Variants in SLC24A4 observed in about 807,000 individuals in gnomAD.
SLC24A4 encodes the protein sodium/potassium/calcium exchanger 4.
SLC24A4 carries 53 observed loss-of-function variants against 79.0 expected under a neutral mutation model. The ratio of observed to expected loss-of-function variants is 0.67; its 90% CI spans 0.54 to 0.84. The LOEUF (loss-of-function observed/expected upper bound fraction) is 0.84. Among genes scored for constraint, SLC24A4 ranks in the 40% least tolerant of loss-of-function variants. The pLI is 0.00. For synonymous variants in SLC24A4, 323 were observed against 323.8 expected, an observed-to-expected ratio of 1.00 and a Z score of 0.03; for missense variants, 731 against 822.0, an observed-to-expected ratio of 0.89 and a Z score of 1.35.
intron 2 of SLC24A4, among the ~76,000 whole-genome samples, chr14:92,393,566 TA>T (rs1566736212): frequency 1.4e-5 from 2 of 146,298 alleles, no homozygotes; most frequent in African/African-American, 5.2e-5. Flanking sequence ...TTTTTTTTTT[TA>T]CGGAGTCTCG....
intron 2 of SLC24A4, among the ~76,000 whole-genome samples, chr14:92,429,251 A>G (rs1392808243): frequency 6.6e-6 from 1 of 151,950 alleles, no homozygotes; most frequent in African/African-American, 2.4e-5. Flanking sequence ...AGCACAAGGG[A>G]ATTTTAGGGG....
chr14:92,491,142 C>G (rs1453472839), intron 14 of SLC24A4, among the ~76,000 whole-genome samples: 3 of 152,202 alleles, frequency 2.0e-5, no homozygotes, highest in Non-Finnish European at 4.4e-5. Context: ...AAAGCAGGAT[C>G]ATCGAGTTGA....
At chr14:92,460,647 G>T (rs1893746216) in intron 12 of SLC24A4, among the ~76,000 whole-genome samples, 1 of 152,210 alleles carries the variant, frequency 6.6e-6, no homozygotes, top group Non-Finnish European at 1.5e-5. Context: ...GGGCTTTGTG[G>T]ATCAGGTAGG....
chr14:92,465,105 T>C (rs1426165193), intron 12 of SLC24A4, among the ~76,000 whole-genome samples: 4 of 152,254 alleles, frequency 2.6e-5, no homozygotes, highest in African/African-American at 7.2e-5. Flanking sequence ...TGTTGGTGTC[T>C]CTCTGATGCA....
rs1893684182 is a variant in SLC24A4 at position 92,459,662 on chromosome 14, G to GA, written c.1255+3057dup. The stretch of plus-strand genomic sequence containing the variant: ...GATGTGTTTCCAGGTGTTGTCCCTG[G>GA]AAACCACGAATGGCTTCCTTTTCTT... On this transcript the variant is annotated intron_variant, in intron 12 of 16. Transcript: ENST00000532405. 2.0e-5 allele frequency among the ~76,000 whole-genome samples: 3 copies of GA among 152,256 alleles called. 1 individual carries two copies. In the South Asian group the frequency reaches 6.2e-4, roughly 32 times the overall value.
intron 16 of SLC24A4, 59 bp downstream of exon 16, chr14:92,492,299 G>A (rs192947870): frequency 7.3e-6 from 11 of 1,515,226 alleles, no homozygotes; most frequent in South Asian, 2.3e-5. Context: ...ATCTGATTCC[G>A]CCTCGTCACT....
intron 2 of SLC24A4, among the ~76,000 whole-genome samples, chr14:92,389,716 G>A (rs1309741002): frequency 6.6e-6 from 1 of 152,196 alleles, no homozygotes; most frequent in African/African-American, 2.4e-5. Flanking sequence ...CCTGTGCTAA[G>A]CCAGTGCACT....
At chr14:92,366,842 G>A (rs536315569) in intron 2 of SLC24A4, among the ~76,000 whole-genome samples, 98 of 152,326 alleles carry the variant, frequency 6.4e-4, no homozygotes, top group Non-Finnish European at 1.1e-3. Flanking sequence ...AGGCGGGGAA[G>A]GGGTGATTAC....
At chr14:92,489,870 C>T (rs1371002385) in intron 14 of SLC24A4, among the ~76,000 whole-genome samples, 2 of 152,214 alleles carry the variant, frequency 1.3e-5, no homozygotes, top group African/African-American at 4.8e-5. Context: ...CCTGCCTCTT[C>T]ACCAGGTGCA....
At chr14:92,421,062 A>G (rs2141819105) in intron 2 of SLC24A4, among the ~76,000 whole-genome samples, 3 of 152,220 alleles carry the variant, frequency 2.0e-5, no homozygotes, top group African/African-American at 7.2e-5. Context: ...CCTCATCCCA[A>G]AATTTCCTCC....
intron 8 of SLC24A4, among the ~76,000 whole-genome samples, chr14:92,446,175 TG>T (rs113590893): frequency 0.76 from 113,821 of 149,852 alleles, 43,180 homozygotes; most frequent in East Asian, 0.97. Context: ...GTGCATTCTA[TG>T]TTTTTTTTTT....
At chr14:92,393,138 G>A (rs963234122) in intron 2 of SLC24A4, among the ~76,000 whole-genome samples, 5 of 152,244 alleles carry the variant, frequency 3.3e-5, no homozygotes, top group East Asian at 1.9e-4. Flanking sequence ...ACCAGCCATC[G>A]AATCTGCTGG....
chr14:92,324,678 G>A (rs139916756), intron 1 of SLC24A4, among the ~76,000 whole-genome samples: 3 of 152,342 alleles, frequency 2.0e-5, no homozygotes, highest in Non-Finnish European at 4.4e-5. Flanking sequence ...CCTTCAGGAG[G>A]CATTCACTTC....
At chr14:92,485,849 T>C (rs1332148551) in intron 13 of SLC24A4, among the ~76,000 whole-genome samples, 1 of 152,182 alleles carries the variant, frequency 6.6e-6, no homozygotes, top group Non-Finnish European at 1.5e-5. Context: ...CCCACCCTTG[T>C]TTCTTAAACC....
intron 2 of SLC24A4, among the ~76,000 whole-genome samples, chr14:92,421,512 G>A (rs987019154): frequency 6.6e-6 from 1 of 151,724 alleles, no homozygotes; most frequent in African/African-American, 2.4e-5. Flanking sequence ...CGATTTTTTT[G>A]TTTTTGTTTT....
intron 2 of SLC24A4, among the ~76,000 whole-genome samples, chr14:92,400,394 G>A (rs995080402): frequency 1.4e-5 from 2 of 146,990 alleles, no homozygotes; most frequent in East Asian, 4.1e-4. Flanking sequence ...AGCCGAGATC[G>A]TGCCACTGCA....
intron 2 of SLC24A4, among the ~76,000 whole-genome samples, chr14:92,390,116 C>T (rs752197601): frequency 5.1e-5 from 7 of 136,190 alleles, no homozygotes; most frequent in African/African-American, 1.5e-4. Flanking sequence ...CCCCTGGGCC[C>T]GGCTTCCCAG....
At position 92,456,397 on chromosome 14, in the gene SLC24A4, C is replaced by T. The variant is rs1893463898; in HGVS notation, c.1051-7C>T. ...CTTGGTGTCCATGTTGCCTCCTGTC[C>T]ACACAGCGGCAGAGACTGATCAACT... On this transcript the variant is annotated splice_polypyrimidine_tract_variant and splice_region_variant and intron_variant, in intron 11 of 16. Transcript: ENST00000532405. 6.2e-7 allele frequency: 1 copy of T among 1,614,042 alleles called. No homozygotes were observed. The highest frequency in any genetic ancestry group is 1.3e-5 in the African/African-American group (1 of 74,940).
intron 2 of SLC24A4, among the ~76,000 whole-genome samples, chr14:92,392,554 G>A (rs1158467386): frequency 6.6e-6 from 1 of 151,840 alleles, no homozygotes; most frequent in African/African-American, 2.4e-5. Context: ...GAGGGCGGTA[G>A]CGGCCAGTCG....
Sources: gnomAD v4.1 joint callset for allele counts (sites outside exome capture counted in the v4.1 genomes callset) on GRCh38, gnomAD v4.1.1 for gene constraint, MANE v1.5 for transcripts, NCBI Gene and HGNC (gene_info 2026-07-23, HGNC 2026-07-21) for gene names.